FRMD6: variants seen among roughly 807,000 people sequenced by gnomAD.
The protein encoded by FRMD6 is FERM domain-containing protein 6.
In FRMD6, 37 loss-of-function variants were observed where a neutral mutation model predicts 73.2. That is an observed-to-expected ratio of 0.51 (90% confidence interval 0.39 to 0.66). The LOEUF (loss-of-function observed/expected upper bound fraction) is 0.66. FRMD6 is among the 30% of genes least tolerant of loss of function. FRMD6 has a pLI of 0.00. For missense variants in FRMD6, 714 were observed against 780.5 expected (o/e 0.91, Z 1.02); for synonymous variants, 273 against 282.2 (o/e 0.97, Z 0.33).
chr14:51,702,628 C>A lies in FRMD6; in HGVS notation c.371+40C>A, dbSNP rs768318553. 8 of 1,492,116 alleles carry A rather than the reference C, an allele frequency of 5.4e-6. No individual in the cohort carries two copies. In the South Asian group the frequency reaches 8.2e-5, roughly 15 times the overall value. 92.4% of individuals were successfully genotyped at this position (1,492,116 alleles called of 1,614,324 possible). A position where few individuals can be genotyped will look rare whatever the true frequency, so the allele number is the denominator to read the frequency against. On this transcript the variant is annotated intron_variant, in intron 5 of 13. Transcript: ENST00000344768. ...GGTGATTCTAAACGCTTTTTTTTCC[C>A]CCATAGCACTTTTTCTAACATACCA...
At chr14:51,646,066 C>T (rs1440557991) in intron 2 of FRMD6, among the ~76,000 whole-genome samples, 1 of 151,896 alleles carries the variant, frequency 6.6e-6, no homozygotes, top group Non-Finnish European at 1.5e-5. Context: ...AGCCTGTAAT[C>T]CCAGCACTTT....
At chr14:51,442,544 G>T in the FRMD6 span, among the ~76,000 whole-genome samples, 1 of 152,144 alleles carries the variant, frequency 6.6e-6, no homozygotes, top group Non-Finnish European at 1.5e-5. Context: ...CTTCTAGAAA[G>T]CCTCTGCCTT....
At chr14:51,445,250 C>T in the FRMD6 span, among the ~76,000 whole-genome samples, 15 of 152,250 alleles carry the variant, frequency 9.9e-5, no homozygotes, top group Admixed American at 5.2e-4. Context: ...CGACTGGGCC[C>T]CCCTCAGAGA....
At chr14:51,408,631 C>T in the FRMD6 span, among the ~76,000 whole-genome samples, 2 of 152,088 alleles carry the variant, frequency 1.3e-5, no homozygotes, top group African/African-American at 4.8e-5. Flanking sequence ...GCCTCTTCTT[C>T]ATAATCGTTT....
At chr14:51,448,604 G>A in the FRMD6 span, among the ~76,000 whole-genome samples, 1 of 152,178 alleles carries the variant, frequency 6.6e-6, no homozygotes, top group South Asian at 2.1e-4. Flanking sequence ...AAGGAAAGAG[G>A]GACCATGGTC....
At chr14:51,487,112 A>T (rs961957233), upstream of FRMD6, among the ~76,000 whole-genome samples, 5 of 152,132 alleles carry the variant, frequency 3.3e-5, no homozygotes, top group Non-Finnish European at 7.4e-5. Context: ...GGTGGTCCCA[A>T]TGAATGCTCA....
chr14:51,499,513 AG>A (rs1177035159), intron 1 of FRMD6, among the ~76,000 whole-genome samples: 1 of 152,238 alleles, frequency 6.6e-6, no homozygotes, highest in Non-Finnish European at 1.5e-5. Context: ...TTTACAGATG[AG>A]GAAATAAAGC....
chr14:51,563,374 A>G (rs1887587446), intron 1 of FRMD6, among the ~76,000 whole-genome samples: 1 of 152,224 alleles, frequency 6.6e-6, no homozygotes, highest in Admixed American at 6.5e-5. Flanking sequence ...GCCATGGTAG[A>G]AAAAAGCTAC....
chr14:51,551,809 A>G (rs1350119098), intron 1 of FRMD6, among the ~76,000 whole-genome samples: 1 of 151,832 alleles, frequency 6.6e-6, no homozygotes, highest in East Asian at 1.9e-4. Context: ...ATAAATGCAT[A>G]TAATATAAAA....
chr14:51,591,066 T>G (rs1165307629), intron 2 of FRMD6, among the ~76,000 whole-genome samples: 1 of 152,236 alleles, frequency 6.6e-6, no homozygotes, highest in Non-Finnish European at 1.5e-5. Flanking sequence ...GGGTTTTTTT[T>G]GGTTCATTTT....
chr14:51,482,927 C>T, the FRMD6 span, among the ~76,000 whole-genome samples: 1 of 152,120 alleles, frequency 6.6e-6, no homozygotes, highest in Non-Finnish European at 1.5e-5. Flanking sequence ...TGGTCTCGAT[C>T]TCCTGACCTC....
chr14:51,705,339 C>T (rs1294131578), intron 6 of FRMD6, among the ~76,000 whole-genome samples: 1 of 152,072 alleles, frequency 6.6e-6, no homozygotes, highest in East Asian at 1.9e-4. Flanking sequence ...CTTCTGGCTC[C>T]GGCCTCCATG....
chr14:51,514,026 A>G lies in FRMD6; in HGVS notation c.-210+24606A>G, dbSNP rs937026226. Among the ~76,000 whole-genome samples, 91 of 152,220 alleles carry G rather than the reference A, an allele frequency of 6.0e-4. 4 individuals carry two copies. The highest frequency in any genetic ancestry group is 1.5e-5 in the Non-Finnish European group (1 of 68,042). On this transcript the variant is annotated intron_variant, in intron 1 of 14. Transcript: ENST00000356218. ...TACTTTGCCAGGATTAAATCAGATT[A>G]TGTATGTTAAGTGTCTACACTTGTG...
rs115564887 is a variant in FRMD6 at position 51,686,894 on chromosome 14, A to G, written c.-146-2797A>G. ...ACTGGTGCATATTAGAGATATGGCT[A>G]TTTTGCCATTTCATTGGAGCCTTTT... On this transcript the variant is annotated intron_variant, in intron 1 of 13. Transcript: ENST00000344768. Among the ~76,000 whole-genome samples, 449 of 152,242 alleles carry G rather than the reference A, an allele frequency of 2.9e-3. 1 individual carries two copies. Among genetic ancestry groups the G allele is most frequent in the African/African-American group, 1.0e-2 (414 of 41,560 alleles).
chr14:51,513,682 C>T (rs1042314674), intron 1 of FRMD6, among the ~76,000 whole-genome samples: 22 of 151,498 alleles, frequency 1.5e-4, no homozygotes, highest in African/African-American at 3.9e-4. Context: ...CTCTAATGAC[C>T]TGAAGTGAGG....
chr14:51,715,410 ACCT>A lies in FRMD6; in HGVS notation c.939_941del (p.Leu314del). Reference sequence around the variant, plus strand: ...ACGGGGTGCCCCATGCGCTCCAGACACCTCCTGCAACTTCTGAGCAACAGCCAC... The same window carrying A: ...ACGGGGTGCCCCATGCGCTCCAGACACCTGCAACTTCTGAGCAACAGCCAC... On this transcript the variant is annotated inframe_deletion, in exon 10 of 14. Coordinates refer to ENST00000344768, the MANE Select transcript of FRMD6 (RefSeq NM_001267046.2). The A allele has an allele frequency of 6.2e-7, 1 of 1,613,604 alleles. No individual in the cohort carries two copies. The highest frequency in any genetic ancestry group is 8.5e-7 in the Non-Finnish European group (1 of 1,179,760).
intron 12 of FRMD6, chr14:51,724,212 A>G (rs2140682636): frequency 6.6e-6 from 1 of 151,996 alleles, no homozygotes; most frequent in East Asian, 1.9e-4. Context: ...ATATCTTTAA[A>G]AAAAAAAAAA....
chr14:51,438,827 T>A, the FRMD6 span, among the ~76,000 whole-genome samples: 1 of 152,206 alleles, frequency 6.6e-6, no homozygotes, highest in Non-Finnish European at 1.5e-5. Flanking sequence ...GACCTGGTGC[T>A]TTAATGCCAA....
chr14:51,693,806 C>T (rs1895765543), intron 2 of FRMD6, among the ~76,000 whole-genome samples: 1 of 152,164 alleles, frequency 6.6e-6, no homozygotes, highest in African/African-American at 2.4e-5. Context: ...AGCATGTAGA[C>T]TCACTATGCC....
Sources: gnomAD v4.1 joint callset for allele counts (sites outside exome capture counted in the v4.1 genomes callset) on GRCh38, gnomAD v4.1.1 for gene constraint, MANE v1.5 for transcripts, NCBI Gene and HGNC (gene_info 2026-07-23, HGNC 2026-07-21) for gene names.